Variants in CALB2 observed in about 807,000 individuals in gnomAD.
CALB2 encodes calbindin 2.
CALB2 carries 34 observed loss-of-function variants against 45.9 expected under a neutral mutation model. The ratio of observed to expected loss-of-function variants is 0.74; its 90% CI spans 0.56 to 0.99. The LOEUF (loss-of-function observed/expected upper bound fraction) is 0.99. Among genes scored for constraint, CALB2 ranks in the 50% least tolerant of loss-of-function variants. The pLI is 0.00. For missense variants in CALB2, 344 were observed against 339.3 expected, an observed-to-expected ratio of 1.01 and a Z score of -0.11; for synonymous variants, 142 against 129.6, an observed-to-expected ratio of 1.10 and a Z score of -0.65.
chr16:71,382,926 A>C, intron 5 of CALB2, 151 bp downstream of exon 5: 1 of 699,870 alleles, frequency 1.4e-6, no homozygotes, highest in South Asian at 2.0e-5. Flanking sequence ...TGTTTAGAGA[A>C]GTCAGGGGAA....
intron 6 of CALB2, 46 bp downstream of exon 6, chr16:71,383,490 G>A: frequency 6.4e-7 from 1 of 1,561,004 alleles, no homozygotes; most frequent in Non-Finnish European, 8.8e-7. Flanking sequence ...CAGGACTTGT[G>A]CCCCAAGCCA....
chr16:71,362,851 A>G (rs1345937827), intron 1 of CALB2, among the ~76,000 whole-genome samples: 1 of 152,238 alleles, frequency 6.6e-6, no homozygotes, highest in East Asian at 1.9e-4. Flanking sequence ...TTACAAGAGC[A>G]TCTATTTCCT....
At chr16:71,378,644 T>G (rs972228840) in intron 4 of CALB2, among the ~76,000 whole-genome samples, 2 of 152,190 alleles carry the variant, frequency 1.3e-5, no homozygotes, top group African/African-American at 4.8e-5. Flanking sequence ...CACATTAAAA[T>G]GTAGGGAATA....
chr16:71,361,473 G>T (rs952743342), intron 1 of CALB2, among the ~76,000 whole-genome samples: 1 of 152,088 alleles, frequency 6.6e-6, no homozygotes, highest in Non-Finnish European at 1.5e-5. Context: ...TTCAACATGG[G>T]GTTTCTTCCC....
Position 71,378,228 on chromosome 16 carries a change from A to G in CALB2, c.342+481A>G, listed in dbSNP as rs2042440895. Among the ~76,000 whole-genome samples, 3 of 152,038 alleles carry G rather than the reference A, an allele frequency of 2.0e-5. No individual in the cohort carries two copies. In the South Asian group the frequency reaches 6.2e-4, roughly 32 times the overall value. On this transcript the variant is annotated intron_variant, in intron 4 of 10. Coordinates refer to ENST00000302628, the MANE Select transcript of CALB2 (RefSeq NM_001740.5). ...TGACAGAGAGAGACTCCGTCTCAAA[A>G]AAAGAAAGAAAGAAAGGGAGAAAGG... is the stretch of plus-strand genomic sequence containing the variant.
intron 6 of CALB2, among the ~76,000 whole-genome samples, chr16:71,383,681 C>T (rs2042527850): frequency 6.6e-6 from 1 of 152,186 alleles, no homozygotes; most frequent in African/African-American, 2.4e-5. Context: ...ACCTCTGCAG[C>T]TCTAGGAGAG....
chr16:71,385,785 G>T (rs2042563914), intron 10 of CALB2, 137 bp downstream of exon 10: 4 of 620,002 alleles, frequency 6.5e-6, no homozygotes, highest in East Asian at 2.9e-5. Context: ...GACATTTTGT[G>T]GGTTTGCTTT....
At chr16:71,365,785 T>C (rs2042278020) in intron 1 of CALB2, among the ~76,000 whole-genome samples, 1 of 152,004 alleles carries the variant, frequency 6.6e-6, no homozygotes, top group African/African-American at 2.4e-5. Context: ...TTATGTACCC[T>C]AAAGTTTGAG....
Position 71,375,341 on chromosome 16 carries a change from C to T in CALB2, c.261+507C>T, listed in dbSNP as rs2042398142. Among the ~76,000 whole-genome samples, 3 of 152,178 alleles carry T rather than the reference C, an allele frequency of 2.0e-5. No homozygotes were observed. The South Asian group carries it at 6.2e-4, about 31-fold the overall frequency. ...ATGCACACGTATATACACATACACACATACACTCACACATACTCATATACA... is the reference window on the plus strand; with the variant it reads ...ATGCACACGTATATACACATACACATATACACTCACACATACTCATATACA... On this transcript the variant is annotated intron_variant, in intron 3 of 10. Coordinates refer to ENST00000302628, the MANE Select transcript of CALB2 (RefSeq NM_001740.5).
intron 1 of CALB2, among the ~76,000 whole-genome samples, chr16:71,362,458 G>A (rs1357668814): frequency 6.6e-6 from 1 of 152,230 alleles, no homozygotes; most frequent in Non-Finnish European, 1.5e-5. Context: ...ATACTCGTAT[G>A]TGCGCAGAAA....
At chr16:71,384,966 A>G (rs1430607597) in intron 9 of CALB2, 130 bp downstream of exon 9, 4 of 755,288 alleles carry the variant, frequency 5.3e-6, no homozygotes, top group African/African-American at 5.2e-5. Flanking sequence ...TTCCTGCCGC[A>G]TCTTCTGCTG....
intron 2 of CALB2, among the ~76,000 whole-genome samples, chr16:71,373,582 C>T (rs993375959): frequency 6.6e-6 from 1 of 152,134 alleles, no homozygotes; most frequent in Non-Finnish European, 1.5e-5. Context: ...GTCAACAATC[C>T]CAACTGATGC....
chr16:71,379,306 TAAA>T (rs2042457514), intron 4 of CALB2, among the ~76,000 whole-genome samples: 1 of 150,648 alleles, frequency 6.6e-6, no homozygotes, highest in Non-Finnish European at 1.5e-5. Flanking sequence ...AATAAATAAA[TAAA>T]TAAATAAAAT....
At chr16:71,380,292 CTTTTTTTTTTTTTTTTTTTTT>C (rs544138378) in intron 4 of CALB2, among the ~76,000 whole-genome samples, 1 of 43,798 alleles carries the variant, frequency 2.3e-5, no homozygotes, top group Non-Finnish European at 4.1e-5. Context: ...CCTTCCTTTT[CTTTTTTTTTTTTTTTTTTTTT>C]TTTTTTTTTT....
intron 1 of CALB2, 64 bp from the exon 2 acceptor site, chr16:71,372,089 T>A: frequency 1.8e-6 from 2 of 1,109,432 alleles, no homozygotes; most frequent in Non-Finnish European, 1.4e-6. Context: ...GCCCCCGACA[T>A]GCCCACCCCG....
intron 9 of CALB2, 37 bp from the exon 10 acceptor site, chr16:71,385,540 C>G (rs2042560356): frequency 6.3e-7 from 1 of 1,596,984 alleles, no homozygotes; most frequent in South Asian, 1.1e-5. Context: ...GGGGCCCAGG[C>G]TTTAGAGCTC....
Position 71,383,996 on chromosome 16 carries a change from T to C in CALB2, c.504T>C (p.Asp168=). The change falls in exon 7 of 11, where the codon GAT becomes GAC. Residue 168 remains aspartate, a synonymous_variant. Coordinates refer to ENST00000302628, the MANE Select transcript of CALB2 (RefSeq NM_001740.5). ...TILRMFDLNG[D]GKLGLSEMSR... ...TACGGATGTTTGACTTGAACGGGGA[T>C]GGCAAATTGGGCCTCTCAGAGATGT... 3.1e-6 allele frequency: 5 copies of C among 1,613,886 alleles called. No individual in the cohort carries two copies. The highest frequency in any genetic ancestry group is 3.4e-6 in the Non-Finnish European group (4 of 1,179,862).
chr16:71,370,787 G>A (rs1013952188), intron 1 of CALB2, among the ~76,000 whole-genome samples: 2 of 152,146 alleles, frequency 1.3e-5, no homozygotes, highest in African/African-American at 2.4e-5. Context: ...TAGGAGGCAC[G>A]GCCTGAGCCC....
chr16:71,367,687 T>G (rs2042303861), intron 1 of CALB2, among the ~76,000 whole-genome samples: 1 of 152,168 alleles, frequency 6.6e-6, no homozygotes, highest in South Asian at 2.1e-4. Context: ...ATCTAAAACT[T>G]GGTGATAGCT....
Sources: allele counts gnomAD v4.1 joint callset (sites outside exome capture counted in the v4.1 genomes callset), GRCh38; gene constraint gnomAD v4.1.1; transcripts MANE v1.5; gene names NCBI Gene and HGNC (gene_info 2026-07-23, HGNC 2026-07-21).